Variants in LARGE1 observed in about 807,000 individuals in gnomAD.
The protein encoded by LARGE1 is LARGE xylosyl- and glucuronyltransferase 1.
LARGE1 carries 43 observed loss-of-function variants against 87.6 expected under a neutral mutation model. The observed-to-expected ratio is 0.49, with a 90% CI of 0.38 to 0.63. LARGE1 has a LOEUF of 0.63. LARGE1 is among the 30% of genes least tolerant of loss of function. The pLI is 0.00. For synonymous variants in LARGE1, 434 were observed against 394.6 expected, an observed-to-expected ratio of 1.10 and a Z score of -1.18; for missense variants, 802 against 1,000.2, an observed-to-expected ratio of 0.80 and a Z score of 2.67.
intron 1 of LARGE1, among the ~76,000 whole-genome samples, chr22:33,815,779 C>A (rs2086630794): frequency 6.6e-6 from 1 of 152,196 alleles, no homozygotes; most frequent in East Asian, 1.9e-4. Context: ...TATTCACATC[C>A]ATGCAGACGG....
intron 3 of LARGE1, among the ~76,000 whole-genome samples, chr22:33,642,528 C>T (rs528679266): frequency 6.6e-6 from 1 of 152,018 alleles, no homozygotes; most frequent in East Asian, 1.9e-4. Context: ...CAAATTCACA[C>T]ATAACAATAT....
At position 33,669,487 on chromosome 22, in the gene LARGE1, G is replaced by A. The variant is rs571529732; in HGVS notation, c.107-18819C>T. ...AGCAAAACAATGTCCACAGAGCTCA[G>A]AAAAGCCACCTGAGTTCTTTTGGTC... On this transcript the variant is annotated intron_variant, in intron 2 of 14. Transcript: ENST00000397394. Among the ~76,000 whole-genome samples the A allele has an allele frequency of 2.5e-4, 38 of 152,330 alleles. No individual in the cohort carries two copies. In the South Asian group the frequency reaches 7.7e-3, roughly 31 times the overall value.
intron 1 of LARGE1, among the ~76,000 whole-genome samples, chr22:33,841,791 A>G (rs746192617): frequency 1.3e-5 from 2 of 152,216 alleles, no homozygotes; most frequent in Non-Finnish European, 2.9e-5. Context: ...GAATAAATAC[A>G]AAGTCAGAAA....
intron 9 of LARGE1, among the ~76,000 whole-genome samples, chr22:33,370,374 C>T (rs1292638094): frequency 6.6e-6 from 1 of 152,124 alleles, no homozygotes. Context: ...CAATTCGTCA[C>T]TCCCAGCTAA....
intron 9 of LARGE1, among the ~76,000 whole-genome samples, chr22:33,344,431 A>G (rs1166846624): frequency 6.6e-6 from 1 of 152,156 alleles, no homozygotes; most frequent in African/African-American, 2.4e-5. Context: ...TACAAGTATG[A>G]TAACGTGCAT....
At chr22:33,583,550 G>A (rs1378525018) in intron 5 of LARGE1, among the ~76,000 whole-genome samples, 1 of 152,108 alleles carries the variant, frequency 6.6e-6, no homozygotes, top group East Asian at 1.9e-4. Context: ...CAAGTTACCC[G>A]ATAAATAAGA....
rs115761265 is a variant in LARGE1, at chr22:33,731,820, T to C, written c.106+29551A>G. Among the ~76,000 whole-genome samples the C allele has an allele frequency of 7.8e-3, 1,192 of 152,336 alleles. 12 individuals are homozygous for C. The highest frequency in any genetic ancestry group is 0.025 in the African/African-American group (1,059 of 41,564). On this transcript the variant is annotated intron_variant, in intron 2 of 14. Transcript: ENST00000397394. ...TACATTTATCTGCAAACTCATCAAGTTGTACACATTAAATATGTACAGCTT... is the reference window on the plus strand; with the variant it reads ...TACATTTATCTGCAAACTCATCAAGCTGTACACATTAAATATGTACAGCTT...
At chr22:33,747,753 G>A (rs972647143) in intron 2 of LARGE1, 3 of 152,200 alleles carry the variant, frequency 2.0e-5, no homozygotes, top group Non-Finnish European at 4.4e-5. Context: ...GCCTGACTGT[G>A]TGTGCGGAAT....
At chr22:33,264,651 T>C (rs1387166011) in intron 11 of LARGE1, among the ~76,000 whole-genome samples, 4 of 152,112 alleles carry the variant, frequency 2.6e-5, no homozygotes. Context: ...AGAGTGAGAC[T>C]TCATATCAAA....
intron 4 of LARGE1, among the ~76,000 whole-genome samples, chr22:33,610,512 A>C (rs2079396132): frequency 6.6e-6 from 1 of 152,184 alleles, no homozygotes; most frequent in African/African-American, 2.4e-5. Flanking sequence ...TAAGCAGCAA[A>C]GTGTCCAGAT....
chr22:33,672,128 G>A (rs1168473264), intron 2 of LARGE1, among the ~76,000 whole-genome samples: 1 of 152,104 alleles, frequency 6.6e-6, no homozygotes, highest in Non-Finnish European at 1.5e-5. Context: ...CTGGGTTTTA[G>A]AAAGAAGAAG....
At chr22:33,765,569 G>A (rs763223059) in intron 1 of LARGE1, among the ~76,000 whole-genome samples, 10 of 151,960 alleles carry the variant, frequency 6.6e-5, no homozygotes, top group Admixed American at 4.6e-4. Context: ...GCTGGGCATG[G>A]TGGTGGGCGC....
chr22:33,421,888 A>G (rs540131888), intron 7 of LARGE1, among the ~76,000 whole-genome samples: 35 of 152,366 alleles, frequency 2.3e-4, no homozygotes, highest in African/African-American at 7.9e-4. Context: ...TCCAGGAGGC[A>G]GACCTGAGGC....
At chr22:33,776,002 G>A (rs550360610) in intron 1 of LARGE1, among the ~76,000 whole-genome samples, 27 of 152,254 alleles carry the variant, frequency 1.8e-4, no homozygotes, top group Non-Finnish European at 2.6e-4. Flanking sequence ...CTGAGACTGA[G>A]AAAACCTGGT....
chr22:33,305,429 T>C (rs183573769), intron 11 of LARGE1: 13 of 190,608 alleles, frequency 6.8e-5, no homozygotes, highest in Non-Finnish European at 1.2e-4. Context: ...CGTCTGAAGA[T>C]AAATCTATAA....
intron 1 of LARGE1, among the ~76,000 whole-genome samples, chr22:33,799,150 T>C (rs1347230523): frequency 6.6e-6 from 1 of 152,072 alleles, no homozygotes; most frequent in African/African-American, 2.4e-5. Context: ...GCCAGAGATA[T>C]GCCTGGTACC....
intron 7 of LARGE1, among the ~76,000 whole-genome samples, chr22:33,399,539 C>T (rs1252011994): frequency 4.6e-5 from 7 of 152,082 alleles, no homozygotes; most frequent in East Asian, 1.9e-4. Flanking sequence ...TGGAAGACAG[C>T]GTGGCGATTC....
intron 6 of LARGE1, among the ~76,000 whole-genome samples, chr22:33,532,547 T>C (rs912422207): frequency 6.6e-6 from 1 of 152,210 alleles, no homozygotes; most frequent in African/African-American, 2.4e-5. Flanking sequence ...GAGATTTTCA[T>C]CCCCACTTTA....
At chr22:33,609,868 G>GT (rs538312076) in intron 4 of LARGE1, among the ~76,000 whole-genome samples, 13 of 151,838 alleles carry the variant, frequency 8.6e-5, no homozygotes, top group Admixed American at 3.3e-4. Flanking sequence ...TTTTTAAGAA[G>GT]TTTTTTTTAA....
Sources: allele counts gnomAD v4.1 joint callset (sites outside exome capture counted in the v4.1 genomes callset), GRCh38; gene constraint gnomAD v4.1.1; transcripts MANE v1.5; gene names NCBI Gene and HGNC (gene_info 2026-07-23, HGNC 2026-07-21).